Variants in DNAAF3 observed in about 807,000 individuals in gnomAD.
DNAAF3 encodes the protein UPF0470 protein C19orf51.
In DNAAF3, 40 loss-of-function variants were observed where a neutral mutation model predicts 50.9. The observed-to-expected ratio is 0.79, with a 90% CI of 0.61 to 1.02. DNAAF3 has a LOEUF of 1.02. DNAAF3 is among the 50% of genes least tolerant of loss of function. DNAAF3 has a pLI of 0.00. For synonymous variants in DNAAF3, 327 were observed against 322.8 expected, an observed-to-expected ratio of 1.01 and a Z score of -0.14; for missense variants, 763 against 744.7, an observed-to-expected ratio of 1.02 and a Z score of -0.29.
Position 55,161,938 on chromosome 19 carries a change from C to T in DNAAF3, c.481-113G>A, listed in dbSNP as rs2085844305. On this transcript the variant is annotated intron_variant, in intron 5 of 11. Coordinates refer to ENST00000524407, the MANE Select transcript of DNAAF3 (RefSeq NM_001256715.2). The surrounding 1 kb of genome is among the most constrained non-coding windows in gnomAD (Gnocchi z 6.4). ...GAACAGGGGAACGATTCCCCCGTTT[C>T]TCGGATGGAAAAACTGAGGCTCCGA... is the stretch of plus-strand genomic sequence containing the variant. 16 of 1,358,876 alleles carry T rather than the reference C, an allele frequency of 1.2e-5. No individual in the cohort carries two copies. The highest frequency in any genetic ancestry group is 2.7e-4 in the Middle Eastern group (1 of 3,732). 84.2% of individuals were successfully genotyped at this position (1,358,876 alleles called of 1,614,324 possible).
chr19:55,165,189 C>A (rs1017981655), intron 4 of DNAAF3, among the ~76,000 whole-genome samples, 181 bp downstream of exon 4: 107 of 151,860 alleles, frequency 7.0e-4, no homozygotes, highest in Admixed American at 1.7e-3. Flanking sequence ...AGCCACCGCG[C>A]CCGGCCGGAG....
upstream of DNAAF3, chr19:55,166,639 A>G: frequency 6.2e-7 from 1 of 1,613,430 alleles, no homozygotes; most frequent in Non-Finnish European, 8.5e-7. The surrounding 1 kb of genome is among the most constrained non-coding windows in gnomAD (Gnocchi z 4.0). Flanking sequence ...GAATCAAGCA[A>G]TGGAAGCATG....
chr19:55,159,669 C>T, intron 10 of DNAAF3, 62 bp from the exon 11 acceptor site: 3 of 1,607,138 alleles, frequency 1.9e-6, no homozygotes, highest in Non-Finnish European at 2.5e-6. Context: ...GGATGGGGCT[C>T]TGGGATCCCA....
chr19:55,160,670 C>A lies in DNAAF3; in HGVS notation c.1018G>T (p.Ala340Ser). ...GTCCCTGGCTCCGGGCTTCCCTCCG[C>A]GTGCTGCTGCTCCTCCAGGTCCCCC... ...TGGDLEEQQH[A>S]EGSPEPGTPA... The change falls in exon 9 of 12, where the codon GCG (alanine) becomes TCG (serine). Residue 340 changes from alanine (A) to serine (S), a missense_variant. Coordinates refer to ENST00000524407, the MANE Select transcript of DNAAF3 (RefSeq NM_001256715.2). This position sits in a 1 kb window ranked among gnomAD's most constrained non-coding sequence, Gnocchi z 4.7. The A allele has an allele frequency of 6.2e-7, 1 of 1,613,962 alleles. No homozygotes were observed. The highest frequency in any genetic ancestry group is 8.5e-7 in the Non-Finnish European group (1 of 1,179,970).
rs1254068815 is a variant in DNAAF3 at position 55,161,680 on chromosome 19, C to A, written c.626G>T (p.Ser209Ile). Residue 209 changes from serine to isoleucine, a missense_variant, in exon 6 of 12, where the codon AGC becomes ATC. By Grantham distance (142) the Ser-to-Ile change is moderately radical (BLOSUM62 -2). Transcript: ENST00000524407. This position sits in a 1 kb window ranked among gnomAD's most constrained non-coding sequence, Gnocchi z 6.4. ...GSRYDARRGVSDWDLRMKLHD... is the reference protein window; with the variant it reads ...GSRYDARRGVIDWDLRMKLHD... ...CAGCTTCATGCGCAGGTCCCAGTCG[C>A]TGACACCGCGCCGGGCGTCGTAGCG... 6.5e-7 allele frequency: 1 copy of A among 1,540,116 alleles called. No homozygotes were observed. The highest frequency in any genetic ancestry group is 8.7e-7 in the Non-Finnish European group (1 of 1,146,482).
At position 55,166,568 on chromosome 19, in the gene DNAAF3, T is replaced by G; in HGVS notation, c.-50A>C. 1.2e-6 allele frequency: 2 copies of G among 1,614,184 alleles called. No homozygotes were observed. Among genetic ancestry groups the G allele is most frequent in the Non-Finnish European group, 1.7e-6 (2 of 1,180,028 alleles). The stretch of plus-strand genomic sequence containing the variant: ...GGGACGCCCCTTCCTCTCTGCTCAG[T>G]GCAGCACTGTGGACCCGCGGCACTC... On this transcript the variant is annotated 5_prime_UTR_variant, in exon 1 of 12. Transcript: ENST00000524407. The surrounding 1 kb of genome is among the most constrained non-coding windows in gnomAD (Gnocchi z 4.0).
Position 55,161,809 on chromosome 19 carries a change from G to A in DNAAF3, c.497C>T (p.Ala166Val). 2 of 1,447,482 alleles carry A rather than the reference G, an allele frequency of 1.4e-6. No individual in the cohort carries two copies. The highest frequency in any genetic ancestry group is 9.1e-7 in the Non-Finnish European group (1 of 1,101,476). The allele number at this position is 1,447,482 out of a possible 1,614,324, so 89.7% of individuals were successfully genotyped here. Reference protein sequence around the residue: ...LRALKFRERDALEAVFRFWAG... With the variant: ...LRALKFRERDVLEAVFRFWAG... ...CCAGAAGCGGAATACGGCCTCCAGG[G>A]CATCCCGCTCGCGGAACTGCGGGGC... Residue 166 changes from alanine (A) to valine (V), a missense_variant, in exon 6 of 12, where the codon GCC (alanine) becomes GTC (valine). By Grantham distance (64) the Ala-to-Val change is moderately conservative. Transcript: ENST00000524407. This position sits in a 1 kb window ranked among gnomAD's most constrained non-coding sequence, Gnocchi z 6.4.
At chr19:55,162,799 T>C (rs1008967293) in intron 4 of DNAAF3, 2 of 531,100 alleles carry the variant, frequency 3.8e-6, no homozygotes, top group African/African-American at 4.1e-5. Context: ...GTACAGGCTA[T>C]TTGTAAGTAC....
intron 3 of DNAAF3, 58 bp from the exon 4 acceptor site, chr19:55,165,521 A>AC: frequency 6.4e-7 from 1 of 1,564,344 alleles, no homozygotes; most frequent in Non-Finnish European, 8.8e-7. Flanking sequence ...GTCCTAGGAG[A>AC]CCCAGGAGAG....
chr19:55,161,009 C>A lies in DNAAF3; in HGVS notation c.912+56G>T, dbSNP rs2085817667. On this transcript the variant is annotated intron_variant, in intron 8 of 11. Coordinates refer to ENST00000524407, the MANE Select transcript of DNAAF3 (RefSeq NM_001256715.2). The surrounding 1 kb of genome is among the most constrained non-coding windows in gnomAD (Gnocchi z 6.4). ...GGCCTGCTGTGGGGGCGGGGCCTTG[C>A]GCACCCACCGACCCCCAGCCCCACC... 14 of 1,491,070 alleles carry A rather than the reference C, an allele frequency of 9.4e-6. No homozygotes were observed. The highest frequency in any genetic ancestry group is 6.4e-5 in the South Asian group (5 of 78,122). 92.4% of individuals were successfully genotyped at this position (1,491,070 alleles called of 1,614,324 possible).
Position 55,160,819 on chromosome 19 carries a change from C to A in DNAAF3, c.913-44G>T. ...TGGCCAGACGTCGGGGCCAGGATGGCGGGGCGGGGCTTAGAACGCTGGGAG... is the reference window on the plus strand; with the variant it reads ...TGGCCAGACGTCGGGGCCAGGATGGAGGGGCGGGGCTTAGAACGCTGGGAG... On this transcript the variant is annotated intron_variant, in intron 8 of 11. Coordinates refer to ENST00000524407, the MANE Select transcript of DNAAF3 (RefSeq NM_001256715.2). This position sits in a 1 kb window ranked among gnomAD's most constrained non-coding sequence, Gnocchi z 4.7. 1 of 1,587,030 alleles carries A rather than the reference C, an allele frequency of 6.3e-7. No individual in the cohort carries two copies. The highest frequency in any genetic ancestry group is 8.5e-7 in the Non-Finnish European group (1 of 1,172,782).
rs1436440601 is a variant in DNAAF3 at position 55,161,782 on chromosome 19, G to A, written c.524C>T (p.Ala175Val). 53 of 1,494,798 alleles carry A rather than the reference G, an allele frequency of 3.5e-5. No individual in the cohort carries two copies. The highest frequency in any genetic ancestry group is 4.6e-5 in the Non-Finnish European group (52 of 1,123,678). 92.6% of individuals were successfully genotyped at this position (1,494,798 alleles called of 1,614,324 possible). Reference protein sequence around the residue: ...DALEAVFRFWAGGEKGPQAFP... With the variant: ...DALEAVFRFWVGGEKGPQAFP... ...CGCCTGGGGCCCTTTCTCGCCGCCAGCCCAGAAGCGGAATACGGCCTCCAG... is the reference window on the plus strand; with the variant it reads ...CGCCTGGGGCCCTTTCTCGCCGCCAACCCAGAAGCGGAATACGGCCTCCAG... The change falls in exon 6 of 12, where the codon GCT becomes GTT. Residue 175 changes from alanine (A) to valine (V), a missense_variant. By Grantham distance (64) the Ala-to-Val change is moderately conservative (BLOSUM62 0). Transcript: ENST00000524407. This position sits in a 1 kb window ranked among gnomAD's most constrained non-coding sequence, Gnocchi z 6.4.
rs575619927 is a variant in DNAAF3 at position 55,162,480 on chromosome 19, G to T, written c.323-190C>A. ...CGGGCGCCTGTAATCCCAGTTACTC[G>T]GGAGGCTGAGGCAGGAGAATCGCTT... On this transcript the variant is annotated intron_variant, in intron 4 of 11. Transcript: ENST00000524407. The T allele has an allele frequency of 4.8e-6, 4 of 830,440 alleles. No individual in the cohort carries two copies. In the African/African-American group the frequency reaches 7.1e-5, roughly 15 times the overall value. 51.4% of individuals were successfully genotyped at this position (830,440 alleles called of 1,614,324 possible). A position where few individuals can be genotyped will look rare whatever the true frequency, so the allele number is the denominator to read the frequency against.
chr19:55,160,059 A>G lies in DNAAF3; in HGVS notation c.1049-46T>C, dbSNP rs778388562. 3.7e-6 allele frequency: 5 copies of G among 1,355,658 alleles called. No individual in the cohort carries two copies. The African/African-American group carries it at 5.8e-5, about 16-fold the overall frequency. The allele number at this position is 1,355,658 out of a possible 1,614,324, so 84.0% of individuals were successfully genotyped here. A position where few individuals can be genotyped will look rare whatever the true frequency, so the allele number is the denominator to read the frequency against. ...GGTCACCTCTGACAGGCGGAGCCAT[A>G]AGGGCGGAAAACCAGAGAGATACAC... On this transcript the variant is annotated intron_variant, in intron 9 of 11. Transcript: ENST00000524407. The surrounding 1 kb of genome is among the most constrained non-coding windows in gnomAD (Gnocchi z 4.7).
intron 4 of DNAAF3, among the ~76,000 whole-genome samples, chr19:55,163,265 C>T (rs2085875317): frequency 6.7e-6 from 1 of 150,116 alleles, no homozygotes; most frequent in African/African-American, 2.5e-5. Flanking sequence ...GCCTCAGCCT[C>T]CCAAAGTGCT....
In DNAAF3 at chr19:55,160,633, G is replaced by T; in HGVS notation, c.1048+7C>A. 3.1e-6 allele frequency: 5 copies of T among 1,608,408 alleles called. No individual in the cohort carries two copies. Among genetic ancestry groups the T allele is most frequent in the Non-Finnish European group, 4.2e-6 (5 of 1,178,866 alleles). On this transcript the variant is annotated splice_region_variant and intron_variant, in intron 9 of 11. Transcript: ENST00000524407. The surrounding 1 kb of genome is among the most constrained non-coding windows in gnomAD (Gnocchi z 4.7). Reference sequence around the variant, plus strand: ...CCCTGGCTTACCTGTTGTTGTCCCTGGCTTACCTGGAGTCCCTGGCTCCGG... The same window carrying T: ...CCCTGGCTTACCTGTTGTTGTCCCTTGCTTACCTGGAGTCCCTGGCTCCGG...
Position 55,166,430 on chromosome 19 carries a change from C to G in DNAAF3, c.-4-13G>C, listed in dbSNP as rs749633176. 5.0e-6 allele frequency: 8 copies of G among 1,613,852 alleles called. No individual in the cohort carries two copies. The highest frequency in any genetic ancestry group is 6.8e-6 in the Non-Finnish European group (8 of 1,179,902). ...TGTGGTCATCACCCTGCGGAAAAGA[C>G]ATTCTGGGAATCGCACACATTGCCC... On this transcript the variant is annotated splice_polypyrimidine_tract_variant and intron_variant, in intron 1 of 11. Coordinates refer to ENST00000524407, the MANE Select transcript of DNAAF3 (RefSeq NM_001256715.2). The surrounding 1 kb of genome is among the most constrained non-coding windows in gnomAD (Gnocchi z 4.0).
Position 55,160,660 on chromosome 19 carries a change from C to T in DNAAF3, c.1028G>A (p.Ser343Asn). 6.2e-7 allele frequency: 1 copy of T among 1,613,924 alleles called. No homozygotes were observed. Among genetic ancestry groups the T allele is most frequent in the Non-Finnish European group, 8.5e-7 (1 of 1,179,968 alleles). The change falls in exon 9 of 12, where the codon AGC (serine) becomes AAC (asparagine). Residue 343 changes from serine (S) to asparagine (N), a missense_variant. By Grantham distance (46) the Ser-to-Asn change is conservative. Coordinates refer to ENST00000524407, the MANE Select transcript of DNAAF3 (RefSeq NM_001256715.2). This position sits in a 1 kb window ranked among gnomAD's most constrained non-coding sequence, Gnocchi z 4.7. ...DLEEQQHAEG[S>N]PEPGTPAAPT... Reference sequence around the variant, plus strand: ...CTTACCTGGAGTCCCTGGCTCCGGGCTTCCCTCCGCGTGCTGCTGCTCCTC... The same window carrying T: ...CTTACCTGGAGTCCCTGGCTCCGGGTTTCCCTCCGCGTGCTGCTGCTCCTC...
intron 4 of DNAAF3, among the ~76,000 whole-genome samples, chr19:55,165,156 A>G (rs1028275605): frequency 6.0e-5 from 9 of 150,738 alleles, no homozygotes; most frequent in Non-Finnish European, 3.0e-5. Context: ...CGGCCTCCCA[A>G]AGTGCTGGGA....
Sources: allele counts gnomAD v4.1 joint callset (sites outside exome capture counted in the v4.1 genomes callset), GRCh38; gene constraint gnomAD v4.1.1; non-coding constraint Gnocchi (gnomAD v3.1); transcripts MANE v1.5; gene names NCBI Gene and HGNC (gene_info 2026-07-23, HGNC 2026-07-21).